CNTN5: variants seen among roughly 807,000 people sequenced by gnomAD.
The protein encoded by CNTN5 is contactin-5.
CNTN5 carries 77 observed loss-of-function variants against 129.1 expected under a neutral mutation model. The ratio of observed to expected loss-of-function variants is 0.60; its 90% CI spans 0.50 to 0.72. CNTN5 has a LOEUF of 0.72. Among genes scored for constraint, CNTN5 ranks in the 30% least tolerant of loss-of-function variants. CNTN5 has a pLI of 0.00. For synonymous variants in CNTN5, 509 were observed against 465.6 expected, an observed-to-expected ratio of 1.09 and a Z score of -1.20; for missense variants, 1,478 against 1,328.8, an observed-to-expected ratio of 1.11 and a Z score of -1.75.
intron 15 of CNTN5, among the ~76,000 whole-genome samples, chr11:100,222,773 C>T (rs1272034096): frequency 6.6e-6 from 1 of 151,980 alleles, no homozygotes; most frequent in Non-Finnish European, 1.5e-5. Context: ...CTTAGATTTA[C>T]CTTTAGACAT....
At chr11:99,191,870 A>G (rs11218731) in intron 1 of CNTN5, among the ~76,000 whole-genome samples, 19,762 of 151,848 alleles carry the variant, frequency 0.13, 1,434 homozygotes, top group Middle Eastern at 0.24. Flanking sequence ...AGAAGATCTC[A>G]AACAACTTAA....
intron 1 of CNTN5, among the ~76,000 whole-genome samples, chr11:99,052,715 T>G (rs760029627): frequency 2.1e-4 from 32 of 151,772 alleles, no homozygotes; most frequent in South Asian, 6.2e-4. Context: ...CATCTAGTGG[T>G]TACATGTTGG....
intron 1 of CNTN5, among the ~76,000 whole-genome samples, chr11:99,187,277 G>A (rs1438788468): frequency 1.3e-5 from 2 of 151,416 alleles, no homozygotes; most frequent in African/African-American, 4.8e-5. Context: ...ATAACCCCAG[G>A]CAGCACTTAA....
chr11:99,283,829 A>T (rs1863807716), intron 1 of CNTN5, among the ~76,000 whole-genome samples: 1 of 152,164 alleles, frequency 6.6e-6, no homozygotes, highest in Admixed American at 6.6e-5. Flanking sequence ...AGGAAAGGAT[A>T]TTAAACTTTG....
At chr11:99,857,475 A>G (rs554661323) in intron 6 of CNTN5, among the ~76,000 whole-genome samples, 1 of 152,314 alleles carries the variant, frequency 6.6e-6, no homozygotes, top group South Asian at 2.1e-4. Context: ...ATCAAATCAT[A>G]CAATTTATGC....
chr11:99,203,768 T>C (rs997234863), intron 1 of CNTN5, among the ~76,000 whole-genome samples: 4 of 152,102 alleles, frequency 2.6e-5, no homozygotes, highest in African/African-American at 7.2e-5. Flanking sequence ...CGGCTAATTT[T>C]TTGTATTTTT....
chr11:99,594,318 T>C (rs1245730728), intron 3 of CNTN5, among the ~76,000 whole-genome samples: 1 of 152,198 alleles, frequency 6.6e-6, no homozygotes. Context: ...AGTGCAGTAC[T>C]GTGAAAAGCT....
At chr11:99,201,351 T>TTTCCTTCCTCCCTTCCTTCC (rs1859184343) in intron 1 of CNTN5, among the ~76,000 whole-genome samples, 1 of 88,154 alleles carries the variant, frequency 1.1e-5, no homozygotes, top group Non-Finnish European at 2.2e-5. Context: ...CTTCCTTTCC[T>TTTCCTTCCTCCCTTCCTTCC]TTCCTTCCTT....
chr11:100,139,977 G>A (rs1401375255), intron 13 of CNTN5, among the ~76,000 whole-genome samples: 1 of 152,164 alleles, frequency 6.6e-6, no homozygotes, highest in East Asian at 1.9e-4. Flanking sequence ...TCTCAAGTAT[G>A]GAATGGCTGA....
intron 9 of CNTN5, among the ~76,000 whole-genome samples, chr11:100,052,270 G>T (rs12281896): frequency 6.6e-6 from 1 of 151,612 alleles, no homozygotes; most frequent in Non-Finnish European, 1.5e-5. Context: ...ATTCAGCATC[G>T]TAATGGTAAG....
chr11:100,335,632 G>A (rs2139000092), intron 21 of CNTN5, among the ~76,000 whole-genome samples: 1 of 152,212 alleles, frequency 6.6e-6, no homozygotes, highest in Non-Finnish European at 1.5e-5. Flanking sequence ...GCCAGGCGTG[G>A]TGGTAGGCAC....
intron 13 of CNTN5, among the ~76,000 whole-genome samples, chr11:100,181,796 A>C (rs1259957478): frequency 2.0e-5 from 3 of 152,002 alleles, no homozygotes; most frequent in Non-Finnish European, 4.4e-5. Flanking sequence ...ATAGATATAA[A>C]CCTTTAAAAA....
chr11:99,320,590 GA>G (rs1396880991), intron 1 of CNTN5, among the ~76,000 whole-genome samples: 1 of 152,018 alleles, frequency 6.6e-6, no homozygotes, highest in Admixed American at 6.6e-5. Flanking sequence ...CTAAGGCACA[GA>G]AAAAGAAAAG....
chr11:100,158,954 T>C (rs1221505667), intron 13 of CNTN5, among the ~76,000 whole-genome samples: 1 of 151,900 alleles, frequency 6.6e-6, no homozygotes, highest in Admixed American at 6.6e-5. Flanking sequence ...TTCATGACAG[T>C]GTATTCAGAT....
intron 2 of CNTN5, among the ~76,000 whole-genome samples, chr11:99,375,054 G>C (rs528062858): frequency 6.6e-6 from 1 of 152,142 alleles, no homozygotes; most frequent in Non-Finnish European, 1.5e-5. Flanking sequence ...TGTAATCCCA[G>C]CCCTTTGGGA....
intron 2 of CNTN5, among the ~76,000 whole-genome samples, chr11:99,460,468 A>T (rs1181662306): frequency 2.0e-5 from 3 of 152,094 alleles, no homozygotes; most frequent in Non-Finnish European, 4.4e-5. Flanking sequence ...AAATATCAGA[A>T]ATATTGCAGT....
intron 1 of CNTN5, among the ~76,000 whole-genome samples, chr11:99,164,643 T>C (rs1055579493): frequency 2.0e-5 from 3 of 152,190 alleles, no homozygotes; most frequent in Non-Finnish European, 2.9e-5. Context: ...AATATTAACA[T>C]ATACAAATAT....
intron 6 of CNTN5, among the ~76,000 whole-genome samples, chr11:99,870,658 A>G (rs1300825646): frequency 6.6e-6 from 1 of 152,134 alleles, no homozygotes; most frequent in Non-Finnish European, 1.5e-5. Context: ...TACATTTAAA[A>G]TAGCAATGTT....
chr11:99,096,335 T>C (rs1034687098), intron 1 of CNTN5, among the ~76,000 whole-genome samples: 4 of 151,940 alleles, frequency 2.6e-5, no homozygotes, highest in Non-Finnish European at 4.4e-5. Flanking sequence ...ATTATGACTT[T>C]GGTGACAGTA....
Sources: allele counts gnomAD v4.1 joint callset (sites outside exome capture counted in the v4.1 genomes callset), GRCh38; gene constraint gnomAD v4.1.1; transcripts MANE v1.5; gene names NCBI Gene and HGNC (gene_info 2026-07-23, HGNC 2026-07-21).